The following CRYGN variants were observed in gnomAD, a reference collection of about 807,000 sequenced individuals.
CRYGN encodes the protein gamma-crystallin N.
In CRYGN, 17 loss-of-function variants were observed where a neutral mutation model predicts 19.2. The observed-to-expected ratio is 0.89, with a 90% CI of 0.61 to 1.33. The LOEUF is 1.33. CRYGN is among the 40% of genes most tolerant of loss of function. The probability of loss-of-function intolerance (pLI) is 0.00; values close to 1 mark genes in which losing one functional copy is unlikely to be tolerated. For synonymous variants in CRYGN, 84 were observed against 85.8 expected, an observed-to-expected ratio of 0.98 and a Z score of 0.12; for missense variants, 239 against 239.6, an observed-to-expected ratio of 1.00 and a Z score of 0.02.
Position 151,440,007 on chromosome 7 carries a change from C to T in CRYGN, c.-90G>A. 1 of 1,421,130 alleles carries T rather than the reference C, an allele frequency of 7.0e-7. No homozygotes were observed. Among genetic ancestry groups the T allele is most frequent in the Non-Finnish European group, 9.2e-7 (1 of 1,084,014 alleles). 88.0% of individuals were successfully genotyped at this position (1,421,130 alleles called of 1,614,324 possible). A position where few individuals can be genotyped will look rare whatever the true frequency, so the allele number is the denominator to read the frequency against. The stretch of plus-strand genomic sequence containing the variant: ...GCCCCGGACAAAAGATTTGCTGGGC[C>T]GGCCCCGGAGCGTTAGTGCTGTCGG... On this transcript the variant is annotated 5_prime_UTR_variant, in exon 1 of 4. Transcript: ENST00000337323.
chr7:151,440,620 C>T (rs565248668), upstream of CRYGN: 226 of 154,054 alleles, frequency 1.5e-3, 1 homozygote, highest in Non-Finnish European at 2.8e-3. Context: ...CTGGGTCCCT[C>T]TCTCCTTGAA....
rs139572051 is a variant in CRYGN at position 151,434,284 on chromosome 7, C to T, written c.416+1896G>A. Among the ~76,000 whole-genome samples, 512 of 152,254 alleles carry T rather than the reference C, an allele frequency of 3.4e-3. 1 individual carries two copies. The highest frequency in any genetic ancestry group is 0.031 in the Middle Eastern group (9 of 294). Reference sequence around the variant, plus strand: ...TGTTAGCCTCCACCTTCCCCACCTTCGTTCTCAACAAGCCCCTGAGCGTTG... The same window carrying T: ...TGTTAGCCTCCACCTTCCCCACCTTTGTTCTCAACAAGCCCCTGAGCGTTG... On this transcript the variant is annotated intron_variant, in intron 3 of 3. Transcript: ENST00000337323.
At chr7:151,439,628 C>A (rs965129307) in intron 1 of CRYGN, among the ~76,000 whole-genome samples, 1 of 152,114 alleles carries the variant, frequency 6.6e-6, no homozygotes, top group Non-Finnish European at 1.5e-5. Context: ...CCCAAGGAAG[C>A]CCCAGGGAGT....
In CRYGN at chr7:151,438,093, C is replaced by T. The variant is rs374767421; in HGVS notation, c.173G>A (p.Arg58Gln). The T allele has an allele frequency of 4.2e-5, 68 of 1,614,006 alleles. No homozygotes were observed. Among genetic ancestry groups the T allele is most frequent in the Middle Eastern group, 3.3e-4 (2 of 6,084 alleles). Reference protein sequence around the residue: ...AWVCFNHPDFRGQQFILEHGD... With the variant: ...AWVCFNHPDFQGQQFILEHGD... ...GTGCTCCAAGATGAACTGCTGGCCC[C>T]GGAAGTCGGGGTGATTGAAGCAGAC... The change falls in exon 2 of 4, where the codon CGG (arginine) becomes CAG (glutamine). Residue 58 changes from arginine to glutamine, a missense_variant. Transcript: ENST00000337323.
At chr7:151,438,303 G>C in intron 1 of CRYGN, 59 bp from the exon 2 acceptor site, 1 of 1,531,252 alleles carries the variant, frequency 6.5e-7, no homozygotes, top group South Asian at 1.2e-5. Context: ...AGCGTTGGAG[G>C]CTGGCGTCTG....
In CRYGN at chr7:151,429,920, G is replaced by A; in HGVS notation, c.*128C>T. ...GGGAGGGCCTCCCGCTGGCAGATAT[G>A]ACACACAGAAGGCTCCACCTCCCTA... is the stretch of plus-strand genomic sequence containing the variant. On this transcript the variant is annotated 3_prime_UTR_variant, in exon 4 of 4. Transcript: ENST00000337323. 1 of 716,840 alleles carries A rather than the reference G, an allele frequency of 1.4e-6. No homozygotes were observed. 44.4% of individuals were successfully genotyped at this position (716,840 alleles called of 1,614,324 possible). A position where few individuals can be genotyped will look rare whatever the true frequency, so the allele number is the denominator to read the frequency against.
chr7:151,435,178 T>C lies in CRYGN; in HGVS notation c.416+1002A>G, dbSNP rs1801571361. ...GAACCTCTGTAGTATAGACGGCAAATTGTTCCTCAATTGCTTCGATAGGCG... is the reference window on the plus strand; with the variant it reads ...GAACCTCTGTAGTATAGACGGCAAACTGTTCCTCAATTGCTTCGATAGGCG... On this transcript the variant is annotated intron_variant, in intron 3 of 3. Transcript: ENST00000337323. This position sits in a 1 kb window ranked among gnomAD's most constrained non-coding sequence, Gnocchi z 4.2. Among the ~76,000 whole-genome samples the C allele has an allele frequency of 6.6e-6, 1 of 152,150 alleles. No homozygotes were observed. The highest frequency in any genetic ancestry group is 1.5e-5 in the Non-Finnish European group (1 of 68,028).
chr7:151,432,346 A>G, intron 3 of CRYGN: 1 of 1,015,790 alleles, frequency 9.8e-7, no homozygotes, highest in Non-Finnish European at 1.3e-6. Flanking sequence ...CTCCGGAGAG[A>G]AAAGCCTGCA....
In CRYGN at chr7:151,429,987, G is replaced by C; in HGVS notation, c.*61C>G. On this transcript the variant is annotated 3_prime_UTR_variant, in exon 4 of 4. Coordinates refer to ENST00000337323, the MANE Select transcript of CRYGN (RefSeq NM_144727.3). ...ATGAAAACTGAGGGCATGATTTTAA[G>C]TAAACACTCTCCCGGCTCAGAAACG... 1 of 795,826 alleles carries C rather than the reference G, an allele frequency of 1.3e-6. No homozygotes were observed. Among genetic ancestry groups the C allele is most frequent in the Non-Finnish European group, 2.3e-6 (1 of 432,848 alleles). 49.3% of individuals were successfully genotyped at this position (795,826 alleles called of 1,614,324 possible).
chr7:151,438,309 G>A (rs565163430), intron 1 of CRYGN, 65 bp from the exon 2 acceptor site: 34 of 1,518,836 alleles, frequency 2.2e-5, no homozygotes, highest in South Asian at 1.6e-4. Context: ...GGAGGCTGGC[G>A]TCTGGGTCCC....
Position 151,440,012 on chromosome 7 carries a change from C to G in CRYGN, c.-95G>C. The stretch of plus-strand genomic sequence containing the variant: ...GGACAAAAGATTTGCTGGGCCGGCC[C>G]CGGAGCGTTAGTGCTGTCGGGCGTG... On this transcript the variant is annotated 5_prime_UTR_variant, in exon 1 of 4. Transcript: ENST00000337323. 7.1e-7 allele frequency: 1 copy of G among 1,415,042 alleles called. No individual in the cohort carries two copies. Among genetic ancestry groups the G allele is most frequent in the South Asian group, 1.5e-5 (1 of 66,852 alleles). The allele number at this position is 1,415,042 out of a possible 1,614,324, so 87.7% of individuals were successfully genotyped here.
Position 151,433,740 on chromosome 7 carries a change from G to T in CRYGN, c.416+2440C>A. 6.5e-6 allele frequency: 1 copy of T among 154,938 alleles called. No homozygotes were observed. 9.6% of individuals were successfully genotyped at this position (154,938 alleles called of 1,614,324 possible). A position where few individuals can be genotyped will look rare whatever the true frequency, so the allele number is the denominator to read the frequency against. ...AGAAATGCCCCAAGCCATGTCCTGGGCCACATGAGGGTTCTCACATGGACA... is the reference window on the plus strand; with the variant it reads ...AGAAATGCCCCAAGCCATGTCCTGGTCCACATGAGGGTTCTCACATGGACA... On this transcript the variant is annotated intron_variant, in intron 3 of 3. Transcript: ENST00000337323. The surrounding 1 kb of genome is among the most constrained non-coding windows in gnomAD (Gnocchi z 5.1).
At position 151,438,065 on chromosome 7, in the gene CRYGN, G is replaced by A. The variant is rs763283061; in HGVS notation, c.201C>T (p.Gly67=). The A allele has an allele frequency of 2.0e-5, 33 of 1,613,904 alleles. No individual in the cohort carries two copies. Among genetic ancestry groups the A allele is most frequent in the Non-Finnish European group, 2.5e-5 (30 of 1,180,038 alleles). ...FRGQQFILEH[G]DYPDFFRWNS... ...TCCAGCGGAAGAAGTCGGGGTAGTC[G>A]CCGTGCTCCAAGATGAACTGCTGGC... Residue 67 remains glycine, a synonymous_variant, in exon 2 of 4, where the codon GGC becomes GGT. Transcript: ENST00000337323.
rs199529330 is a variant in CRYGN, at chr7:151,436,278, C to T, written c.318G>A (p.Thr106=). 9.9e-4 allele frequency: 1,585 copies of T among 1,597,180 alleles called. 24 individuals carry two copies. In the South Asian group the frequency reaches 0.017, roughly 17 times the overall value. The change falls in exon 3 of 4, where the codon ACG becomes ACA. Residue 106 remains threonine (T), a synonymous_variant. Transcript: ENST00000337323. This position sits in a 1 kb window ranked among gnomAD's most constrained non-coding sequence, Gnocchi z 5.1. Reference sequence around the variant, plus strand: ...CCTCCAGGAACTCCAGGCACTGGCCCGTGAAGTTGCAACCCTCGAAGATTT... The same window carrying T: ...CCTCCAGGAACTCCAGGCACTGGCCTGTGAAGTTGCAACCCTCGAAGATTT... The part of the protein sequence containing the change: ...RLEIFEGCNF[T]GQCLEFLEDS...
rs890542866 is a variant in CRYGN, at chr7:151,436,524, A to G, written c.271-199T>C. Among the ~76,000 whole-genome samples, 3 of 152,130 alleles carry G rather than the reference A, an allele frequency of 2.0e-5. No individual in the cohort carries two copies. The highest frequency in any genetic ancestry group is 4.4e-5 in the Non-Finnish European group (3 of 68,024). ...GAAGAAAGGGTTCTATTACTCTGAA[A>G]ATGTTCCAAGCCACTGAGCTGGTCC... is the stretch of plus-strand genomic sequence containing the variant. On this transcript the variant is annotated intron_variant, in intron 2 of 3. Coordinates refer to ENST00000337323, the MANE Select transcript of CRYGN (RefSeq NM_144727.3). This position sits in a 1 kb window ranked among gnomAD's most constrained non-coding sequence, Gnocchi z 5.1.
At chr7:151,439,279 T>C (rs1584830222) in intron 1 of CRYGN, among the ~76,000 whole-genome samples, 2 of 152,328 alleles carry the variant, frequency 1.3e-5, no homozygotes, top group Middle Eastern at 3.4e-3. Context: ...TGCAGACTGA[T>C]ACAGCAACAC....
At position 151,438,217 on chromosome 7, in the gene CRYGN, T is replaced by G; in HGVS notation, c.49A>C (p.Thr17Pro). 1 of 1,613,392 alleles carries G rather than the reference T, an allele frequency of 6.2e-7. No individual in the cohort carries two copies. The highest frequency in any genetic ancestry group is 8.5e-7 in the Non-Finnish European group (1 of 1,179,868). ...CCGAAGACCTCCAGCTTCTGCCCTG[T>G]GAAGTGCTTGCCTTCATAGAGAGTG... The part of the protein sequence containing the change: ...KITLYEGKHF[T>P]GQKLEVFGDC... Residue 17 changes from threonine to proline, a missense_variant, in exon 2 of 4, where the codon ACA (threonine) becomes CCA (proline). By Grantham distance (38) the Thr-to-Pro change is conservative. Coordinates refer to ENST00000337323, the MANE Select transcript of CRYGN (RefSeq NM_144727.3).
intron 2 of CRYGN, among the ~76,000 whole-genome samples, chr7:151,437,263 T>G (rs1289698153): frequency 1.3e-5 from 2 of 151,348 alleles, no homozygotes; most frequent in African/African-American, 2.4e-5. Flanking sequence ...CGGGGGAGGG[T>G]CCTCAGCAGA....
Position 151,438,139 on chromosome 7 carries a change from G to A in CRYGN, c.127C>T (p.His43Tyr). 6.2e-7 allele frequency: 1 copy of A among 1,614,220 alleles called. No homozygotes were observed. The highest frequency in any genetic ancestry group is 8.5e-7 in the Non-Finnish European group (1 of 1,180,040). ...CAGACCCAGGCTCCGCTCTCCACGT[G>A]GATGGAGTTCACTCGGTTCATAAAG... ...RGFMNRVNSI[H>Y]VESGAWVCFN... The change falls in exon 2 of 4, where the codon CAC (histidine) becomes TAC (tyrosine). Residue 43 changes from histidine to tyrosine, a missense_variant. His to Tyr is a moderately conservative substitution (Grantham distance 83). Transcript: ENST00000337323.
Sources: allele counts gnomAD v4.1 joint callset (sites outside exome capture counted in the v4.1 genomes callset), GRCh38; gene constraint gnomAD v4.1.1; non-coding constraint Gnocchi (gnomAD v3.1); transcripts MANE v1.5; gene names NCBI Gene and HGNC (gene_info 2026-07-23, HGNC 2026-07-21).